Variants in ABHD4 observed in about 807,000 individuals in gnomAD.
ABHD4 encodes the protein abhydrolase domain containing 4, N-acyl phospholipase B.
ABHD4 carries 35 observed loss-of-function variants against 42.3 expected under a neutral mutation model. That is an observed-to-expected ratio of 0.83 (90% CI 0.63 to 1.10). ABHD4 has a LOEUF of 1.10. Among genes scored for constraint, ABHD4 ranks in the 50% least tolerant of loss-of-function variants. ABHD4 has a pLI of 0.00. For missense variants in ABHD4, 389 were observed against 454.8 expected (o/e 0.86, Z 1.32); for synonymous variants, 169 against 170.6 (o/e 0.99, Z 0.07).
intron 5 of ABHD4, among the ~76,000 whole-genome samples, chr14:22,609,282 G>A (rs58777043): frequency 0.013 from 1,795 of 134,980 alleles, 45 homozygotes; most frequent in African/African-American, 0.043. Flanking sequence ...ACAGGTGTGA[G>A]CCACCGTGCC....
chr14:22,611,266 C>T lies in ABHD4; in HGVS notation c.*318C>T, dbSNP rs994831179. 6.5e-6 allele frequency: 2 copies of T among 305,792 alleles called. No homozygotes were observed. The highest frequency in any genetic ancestry group is 2.1e-5 in the African/African-American group (1 of 47,412). 18.9% of individuals were successfully genotyped at this position (305,792 alleles called of 1,614,324 possible). On this transcript the variant is annotated 3_prime_UTR_variant, in exon 7 of 7. Coordinates refer to ENST00000428304, the MANE Select transcript of ABHD4 (RefSeq NM_022060.3). ...AAGGGATTGCACCAAGCCACATTCA[C>T]TCTCTCTGTGGCCTTTCTTCCTCTG...
rs912627906 is a variant in ABHD4 at position 22,612,917 on chromosome 14, T to C, written c.*1969T>C. 1 of 152,202 alleles carries C rather than the reference T, an allele frequency of 6.6e-6. No homozygotes were observed. The highest frequency in any genetic ancestry group is 2.4e-5 in the African/African-American group (1 of 41,446). The allele number at this position is 152,202 out of a possible 1,614,324, so 9.4% of individuals were successfully genotyped here. A position where few individuals can be genotyped will look rare whatever the true frequency, so the allele number is the denominator to read the frequency against. Reference sequence around the variant, plus strand: ...AAGCAACATAAAGACAAAGGGTACATCTAGCACATAGTTCGTGTTCAATAA... The same window carrying C: ...AAGCAACATAAAGACAAAGGGTACACCTAGCACATAGTTCGTGTTCAATAA... On this transcript the variant is annotated 3_prime_UTR_variant, in exon 7 of 7. Transcript: ENST00000428304.
chr14:22,611,110 A>G lies in ABHD4; in HGVS notation c.*162A>G. 1 of 649,902 alleles carries G rather than the reference A, an allele frequency of 1.5e-6. No homozygotes were observed. Among genetic ancestry groups the G allele is most frequent in the Non-Finnish European group, 2.7e-6 (1 of 367,846 alleles). 40.3% of individuals were successfully genotyped at this position (649,902 alleles called of 1,614,324 possible). A position where few individuals can be genotyped will look rare whatever the true frequency, so the allele number is the denominator to read the frequency against. ...GACGACAGTGAAAAGAACACTCTTG[A>G]CCCTACACTGAAGGCTGAAGGCAGA... On this transcript the variant is annotated 3_prime_UTR_variant, in exon 7 of 7. Coordinates refer to ENST00000428304, the MANE Select transcript of ABHD4 (RefSeq NM_022060.3).
rs2037388235 is a variant in ABHD4, at chr14:22,609,669, A to G, written c.753-55A>G. 2.5e-6 allele frequency: 4 copies of G among 1,571,254 alleles called. No homozygotes were observed. The African/African-American group carries it at 5.4e-5, about 21-fold the overall frequency. ...AGATTCTGCCTCAGTCTCTGAAGAG[A>G]CCAACAAGTTGACATATTCTGCTGT... On this transcript the variant is annotated intron_variant, in intron 5 of 6. Transcript: ENST00000428304.
At chr14:22,602,739 A>T (rs951159308) in intron 2 of ABHD4, among the ~76,000 whole-genome samples, 1 of 152,202 alleles carries the variant, frequency 6.6e-6, no homozygotes, top group Non-Finnish European at 1.5e-5. Flanking sequence ...TTATGTACAG[A>T]CTACATGGTC....
intron 1 of ABHD4, among the ~76,000 whole-genome samples, chr14:22,600,854 G>C (rs1238142376): frequency 2.6e-5 from 4 of 151,580 alleles, no homozygotes; most frequent in African/African-American, 9.7e-5. Context: ...GTGTGTGTGT[G>C]TGTGTGTGTG....
chr14:22,610,229 G>A (rs1594894472), intron 6 of ABHD4, among the ~76,000 whole-genome samples: 1 of 152,082 alleles, frequency 6.6e-6, no homozygotes, highest in Non-Finnish European at 1.5e-5. Flanking sequence ...AGCTAATTTT[G>A]TATTTTTAGT....
chr14:22,604,765 A>G (rs569953707), intron 4 of ABHD4, among the ~76,000 whole-genome samples: 1 of 151,442 alleles, frequency 6.6e-6, no homozygotes, highest in African/African-American at 2.4e-5. Flanking sequence ...GTACCCCACC[A>G]CACCTGGCTA....
intron 4 of ABHD4, among the ~76,000 whole-genome samples, chr14:22,606,145 C>A (rs1482487221): frequency 6.6e-6 from 1 of 152,116 alleles, no homozygotes; most frequent in African/African-American, 2.4e-5. Context: ...AGGGAAAGAT[C>A]TCGGGGCTTC....
rs748252417 is a variant in ABHD4 at position 22,601,772 on chromosome 14, G to A, written c.112+17G>A. On this transcript the variant is annotated intron_variant, in intron 2 of 6. Transcript: ENST00000428304. ...TCCTCCAGTGTAAGTAGAATGGACAGCTTGTCCCACCTCCCTCATGGAGCC... is the reference window on the plus strand; with the variant it reads ...TCCTCCAGTGTAAGTAGAATGGACAACTTGTCCCACCTCCCTCATGGAGCC... 6.2e-7 allele frequency: 1 copy of A among 1,607,512 alleles called. No homozygotes were observed. The highest frequency in any genetic ancestry group is 8.5e-7 in the Non-Finnish European group (1 of 1,173,986).
intron 1 of ABHD4, among the ~76,000 whole-genome samples, chr14:22,600,686 C>T (rs2037272131): frequency 6.6e-6 from 1 of 152,186 alleles, no homozygotes; most frequent in Non-Finnish European, 1.5e-5. Context: ...AGGAATAATA[C>T]AAACTGTCAT....
chr14:22,603,565 A>G lies in ABHD4; in HGVS notation c.288A>G (p.Thr96=), dbSNP rs201378972. The G allele has an allele frequency of 7.9e-5, 128 of 1,614,184 alleles. No individual in the cohort carries two copies. The highest frequency in any genetic ancestry group is 9.9e-5 in the Non-Finnish European group (117 of 1,180,038). Residue 96 remains threonine (T), a synonymous_variant, in exon 3 of 7, where the codon ACA becomes ACG. Transcript: ENST00000428304. The part of the protein sequence containing the change: ...LNMDSLSARR[T]LHTFDLLGFG... Reference sequence around the variant, plus strand: ...TGGACTCACTGAGTGCCCGCCGCACACTGCACACCTTCGATCTGCTTGGCT... The same window carrying G: ...TGGACTCACTGAGTGCCCGCCGCACGCTGCACACCTTCGATCTGCTTGGCT...
rs376848256 is a variant in ABHD4 at position 22,603,558 on chromosome 14, G to A, written c.281G>A (p.Arg94His). 1.4e-5 allele frequency: 23 copies of A among 1,613,986 alleles called. No homozygotes were observed. Among genetic ancestry groups the A allele is most frequent in the East Asian group, 8.9e-5 (4 of 44,896 alleles). ...WILNMDSLSA[R>H]RTLHTFDLLG... Reference sequence around the variant, plus strand: ...CTCAACATGGACTCACTGAGTGCCCGCCGCACACTGCACACCTTCGATCTG... The same window carrying A: ...CTCAACATGGACTCACTGAGTGCCCACCGCACACTGCACACCTTCGATCTG... Residue 94 changes from arginine to histidine, a missense_variant, in exon 3 of 7, where the codon CGC becomes CAC. Physicochemically the swap from Arg to His is conservative, Grantham distance 29. Around this residue, in one of 3 missense-constraint regions of ABHD4, gnomAD observed 102 missense variants for 128.3 expected, o/e 0.80. Coordinates refer to ENST00000428304, the MANE Select transcript of ABHD4 (RefSeq NM_022060.3).
At chr14:22,606,136 G>A (rs1355702538) in intron 4 of ABHD4, among the ~76,000 whole-genome samples, 4 of 152,310 alleles carry the variant, frequency 2.6e-5, no homozygotes, top group Admixed American at 1.3e-4. Context: ...GATTCTTGCA[G>A]GGAAAGATCT....
rs2037391450 is a variant in ABHD4, at chr14:22,609,878, A to G, written c.907A>G (p.Met303Val). The G allele has an allele frequency of 6.2e-7, 1 of 1,613,984 alleles. No homozygotes were observed. Among genetic ancestry groups the G allele is most frequent in the African/African-American group, 1.3e-5 (1 of 74,886 alleles). ...TACCAGTACGGGAAAAAAGGTGAAG[A>G]TGCAGCGGCCGGATTCCTATGTCCG... ...IDTSTGKKVK[M>V]QRPDSYVRDM... is the part of the protein sequence containing the mutation. The change falls in exon 6 of 7, where the codon ATG becomes GTG. Residue 303 changes from methionine to valine, a missense_variant. Around this residue, in one of 3 missense-constraint regions of ABHD4, gnomAD observed 249 missense variants for 254.4 expected, o/e 0.98. Coordinates refer to ENST00000428304, the MANE Select transcript of ABHD4 (RefSeq NM_022060.3).
At chr14:22,600,934 A>T (rs2037277646) in intron 1 of ABHD4, among the ~76,000 whole-genome samples, 1 of 150,638 alleles carries the variant, frequency 6.6e-6, no homozygotes, top group Non-Finnish European at 1.5e-5. Flanking sequence ...GTCCCTGGGT[A>T]TGAAGGAGAA....
intron 4 of ABHD4, chr14:22,604,352 G>A (rs2037323843): frequency 3.4e-6 from 1 of 294,100 alleles, no homozygotes; most frequent in East Asian, 6.9e-5. Context: ...CCAGGTTCAT[G>A]CCATTCTCCT....
Position 22,604,084 on chromosome 14 carries a change from G to T in ABHD4, c.640+5G>T, listed in dbSNP as rs746316066. The T allele has an allele frequency of 9.3e-6, 15 of 1,614,024 alleles. 1 individual carries two copies. In the South Asian group the frequency reaches 1.6e-4, roughly 18 times the overall value. On this transcript the variant is annotated splice_donor_5th_base_variant and intron_variant, in intron 4 of 6. Coordinates refer to ENST00000428304, the MANE Select transcript of ABHD4 (RefSeq NM_022060.3). ...TTCGAGTAGCTGGGCCCTGGGGTGA[G>T]TAGCCTGTAGTATCTCCTTAAAGGA...
chr14:22,611,455 A>G lies in ABHD4; in HGVS notation c.*507A>G, dbSNP rs533829036. ...AAGAGCAGGTCCTGGAGTTCCCTTCACCTGCAGAGTCCTTTTCATGACCTA... is the reference window on the plus strand; with the variant it reads ...AAGAGCAGGTCCTGGAGTTCCCTTCGCCTGCAGAGTCCTTTTCATGACCTA... On this transcript the variant is annotated 3_prime_UTR_variant, in exon 7 of 7. Coordinates refer to ENST00000428304, the MANE Select transcript of ABHD4 (RefSeq NM_022060.3). 1 of 160,522 alleles carries G rather than the reference A, an allele frequency of 6.2e-6. No homozygotes were observed. Among genetic ancestry groups the G allele is most frequent in the African/African-American group, 2.4e-5 (1 of 41,792 alleles). 9.9% of individuals were successfully genotyped at this position (160,522 alleles called of 1,614,324 possible). A position where few individuals can be genotyped will look rare whatever the true frequency, so the allele number is the denominator to read the frequency against.
Sources: allele counts gnomAD v4.1 joint callset (sites outside exome capture counted in the v4.1 genomes callset), GRCh38; gene constraint gnomAD v4.1.1; regional missense constraint gnomAD v4.1.1; transcripts MANE v1.5; gene names NCBI Gene and HGNC (gene_info 2026-07-23, HGNC 2026-07-21).